NBEA: variants seen among roughly 807,000 people sequenced by gnomAD.
NBEA encodes the protein lysosomal-trafficking regulator 2.
NBEA carries 44 observed loss-of-function variants against 343.4 expected under a neutral mutation model. The ratio of observed to expected loss-of-function variants is 0.13; its 90% CI spans 0.10 to 0.16. The LOEUF is 0.16. NBEA is among the 10% of genes least tolerant of loss of function. The probability of loss-of-function intolerance (pLI) is 1.00; values close to 1 mark genes in which losing one functional copy is unlikely to be tolerated. For missense variants in NBEA, 2,555 were observed against 3,631.3 expected, an observed-to-expected ratio of 0.70 and a Z score of 7.62; for synonymous variants, 1,175 against 1,238.7, an observed-to-expected ratio of 0.95 and a Z score of 1.08.
chr13:35,072,392 G>A (rs1302604712), intron 10 of NBEA, among the ~76,000 whole-genome samples: 1 of 151,792 alleles, frequency 6.6e-6, no homozygotes, highest in African/African-American at 2.4e-5. Context: ...TTATATCTTG[G>A]TATTTAAATT....
At chr13:35,401,423 A>G (rs1470761897) in intron 38 of NBEA, among the ~76,000 whole-genome samples, 3 of 152,100 alleles carry the variant, frequency 2.0e-5, no homozygotes, top group Non-Finnish European at 4.4e-5. Context: ...TGTTACTTAA[A>G]TAAAATAGTG....
intron 34 of NBEA, among the ~76,000 whole-genome samples, chr13:35,261,237 G>A (rs1186056459): frequency 6.6e-6 from 1 of 152,218 alleles, no homozygotes; most frequent in Non-Finnish European, 1.5e-5. Context: ...TATGGGCCAA[G>A]TGCCATGGCT....
intron 39 of NBEA, among the ~76,000 whole-genome samples, chr13:35,436,727 A>G (rs987277387): frequency 1.3e-5 from 2 of 151,600 alleles, no homozygotes; most frequent in Non-Finnish European, 2.9e-5. Flanking sequence ...AAAAAAAAAA[A>G]TCTGCTTTGA....
intron 35 of NBEA, among the ~76,000 whole-genome samples, chr13:35,308,512 G>GTATATATA (rs1566597433): frequency 5.1e-5 from 5 of 98,530 alleles, no homozygotes; most frequent in African/African-American, 8.8e-5. Flanking sequence ...ATATATATAT[G>GTATATATA]TGTATATATG....
intron 41 of NBEA, among the ~76,000 whole-genome samples, chr13:35,522,367 C>T (rs2077758664): frequency 6.7e-6 from 1 of 149,550 alleles, no homozygotes; most frequent in African/African-American, 2.5e-5. Flanking sequence ...ACTTGGGCAG[C>T]TGAGGCAGGA....
intron 10 of NBEA, among the ~76,000 whole-genome samples, chr13:35,093,953 TAAATTTTGTTAC>T (rs2152631926): frequency 6.6e-6 from 1 of 151,918 alleles, no homozygotes; most frequent in East Asian, 1.9e-4. Flanking sequence ...TCAAACTATA[TAAATTTTGTTAC>T]ATACTATATA....
chr13:35,063,999 G>A (rs2152570445), intron 8 of NBEA, among the ~76,000 whole-genome samples: 1 of 152,062 alleles, frequency 6.6e-6, no homozygotes. Context: ...GGACTATAAA[G>A]AAATAAGTTT....
rs751078294 is a variant in NBEA, at chr13:35,290,491, G to GT, written c.5838+47dup. The GT allele has an allele frequency of 7.8e-5, 110 of 1,417,838 alleles. No homozygotes were observed. In the African/African-American group the frequency reaches 1.2e-3, roughly 15 times the overall value. The allele number at this position is 1,417,838 out of a possible 1,614,324, so 87.8% of individuals were successfully genotyped here. On this transcript the variant is annotated intron_variant, in intron 35 of 58. Transcript: ENST00000379939. ...CACTCAGTTACATTAATATATGAGG[G>GT]TTTTTTGTGACTAATAATAAAAAGT...
At chr13:35,318,756 G>A (rs1316549457) in intron 36 of NBEA, among the ~76,000 whole-genome samples, 1 of 151,836 alleles carries the variant, frequency 6.6e-6, no homozygotes, top group Non-Finnish European at 1.5e-5. Context: ...GTTGTTGGTA[G>A]GCTATTACGG....
At chr13:35,027,417 G>A (rs2062053487) in intron 1 of NBEA, among the ~76,000 whole-genome samples, 1 of 150,584 alleles carries the variant, frequency 6.6e-6, no homozygotes. Context: ...AGCACTTGCT[G>A]TTACTACTGT....
At chr13:35,254,029 A>T (rs1468127986) in intron 34 of NBEA, among the ~76,000 whole-genome samples, 1 of 152,042 alleles carries the variant, frequency 6.6e-6, no homozygotes, top group African/African-American at 2.4e-5. Flanking sequence ...TCTCCTCCAA[A>T]CTATAGCAGT....
At chr13:35,532,693 G>GCAT (rs35752312) in intron 41 of NBEA, among the ~76,000 whole-genome samples, 11,446 of 152,118 alleles carry the variant, frequency 0.075, 648 homozygotes, top group Admixed American at 0.16. Context: ...TTGAGTCTAT[G>GCAT]CATCATTCTA....
chr13:35,161,851 C>T lies in NBEA; in HGVS notation c.3963C>T (p.Ser1321=), dbSNP rs371324319. 36 of 1,609,730 alleles carry T rather than the reference C, an allele frequency of 2.2e-5. No individual in the cohort carries two copies. The highest frequency in any genetic ancestry group is 2.7e-5 in the Non-Finnish European group (32 of 1,178,134). The change falls in exon 23 of 59, where the codon AGC becomes AGT. Residue 1321 remains serine, a synonymous_variant. Coordinates refer to ENST00000379939, the MANE Select transcript of NBEA (RefSeq NM_001385012.1). ...CTGAGGAACAGCGACGCCAGTTTAGCCCAGGTCCACGGACTACAATGTTTC... is the reference window on the plus strand; with the variant it reads ...CTGAGGAACAGCGACGCCAGTTTAGTCCAGGTCCACGGACTACAATGTTTC... The part of the protein sequence containing the change: ...PMTEEQRRQF[S]PGPRTTMFRI...
chr13:35,657,315 G>A (rs140008497), intron 55 of NBEA, among the ~76,000 whole-genome samples: 21 of 152,282 alleles, frequency 1.4e-4, no homozygotes, highest in African/African-American at 3.8e-4. Flanking sequence ...TTGTACATAC[G>A]AGTCTCTGTT....
At chr13:35,299,468 G>A (rs892455606) in intron 35 of NBEA, among the ~76,000 whole-genome samples, 1 of 152,060 alleles carries the variant, frequency 6.6e-6, no homozygotes, top group African/African-American at 2.4e-5. Context: ...GGATTTTATC[G>A]TCATCCTTCT....
chr13:35,283,481 C>T (rs2035196382), intron 34 of NBEA, among the ~76,000 whole-genome samples: 1 of 152,110 alleles, frequency 6.6e-6, no homozygotes, highest in South Asian at 2.1e-4. Flanking sequence ...TATCAAATTA[C>T]TTTGAAATTG....
rs948301746 is a variant in NBEA at position 35,314,496 on chromosome 13, T to C, written c.5903+4904T>C. ...TAGGTACCTTTCTCTGTTCTCCCAG[T>C]ACCTCAATTTTTCCCTGATTTATAT... On this transcript the variant is annotated intron_variant, in intron 36 of 58. Transcript: ENST00000379939. Among the ~76,000 whole-genome samples, 4 of 152,182 alleles carry C rather than the reference T, an allele frequency of 2.6e-5. No individual in the cohort carries two copies. The East Asian group carries it at 7.7e-4, about 29-fold the overall frequency.
intron 25 of NBEA, chr13:35,171,024 C>A: frequency 3.4e-6 from 2 of 585,280 alleles, no homozygotes; most frequent in Non-Finnish European, 3.2e-6. Flanking sequence ...ATTTTTATAA[C>A]TAAAGACATT....
chr13:35,123,338 A>G (rs1044792239), intron 16 of NBEA, 144 bp from the exon 17 acceptor site: 31 of 447,630 alleles, frequency 6.9e-5, no homozygotes, highest in African/African-American at 6.2e-4. Context: ...GCTAGTTTTT[A>G]ATTTTTCCAA....
Sources: allele counts gnomAD v4.1 joint callset (sites outside exome capture counted in the v4.1 genomes callset), GRCh38; gene constraint gnomAD v4.1.1; transcripts MANE v1.5; gene names NCBI Gene and HGNC (gene_info 2026-07-23, HGNC 2026-07-21).